STXBP6: variants seen among roughly 807,000 people sequenced by gnomAD.
The protein encoded by STXBP6 is syntaxin binding protein 6, also known as syntaxin-binding protein 6.
A neutral mutation model predicts 26.9 loss-of-function variants in STXBP6; 21 were observed. The ratio of observed to expected loss-of-function variants is 0.78; its 90% CI spans 0.55 to 1.12. STXBP6 has a LOEUF of 1.12. STXBP6 is among the 50% of genes most tolerant of loss of function. The probability of loss-of-function intolerance (pLI) is 0.00; values close to 1 mark genes in which losing one functional copy is unlikely to be tolerated. For missense variants in STXBP6, 232 were observed against 257.9 expected (o/e 0.90, Z 0.69); for synonymous variants, 97 against 92.6 (o/e 1.05, Z -0.27).
chr14:24,943,232 C>G (rs1048861207), intron 2 of STXBP6, among the ~76,000 whole-genome samples: 10 of 152,304 alleles, frequency 6.6e-5, no homozygotes, highest in African/African-American at 1.9e-4. Flanking sequence ...TCTGGCAGGA[C>G]TCACTGAAAG....
intron 2 of STXBP6, among the ~76,000 whole-genome samples, chr14:24,973,262 C>T (rs923082622): frequency 4.6e-5 from 7 of 151,902 alleles, no homozygotes; most frequent in Admixed American, 2.0e-4. Flanking sequence ...TAAAGAAATA[C>T]AAATATCTTC....
chr14:24,958,812 TAG>T (rs1272656827), intron 2 of STXBP6, among the ~76,000 whole-genome samples: 3 of 152,298 alleles, frequency 2.0e-5, no homozygotes, highest in South Asian at 2.1e-4. Flanking sequence ...GTCCATTTAA[TAG>T]AGTGTCCTCT....
rs1042330611 is a variant in STXBP6 at position 24,812,512 on chromosome 14, T to A, written c.*197A>T. 1.7e-6 allele frequency: 1 copy of A among 598,902 alleles called. No homozygotes were observed. The highest frequency in any genetic ancestry group is 2.9e-6 in the Non-Finnish European group (1 of 339,928). The allele number at this position is 598,902 out of a possible 1,614,324, so 37.1% of individuals were successfully genotyped here. ...GAAGCTGATGCTATTGTAGCATTTA[T>A]TAGCAAGATCATTAGGGAAATGTAA... is the stretch of plus-strand genomic sequence containing the variant. On this transcript the variant is annotated 3_prime_UTR_variant, in exon 6 of 6. Transcript: ENST00000323944.
chr14:24,835,201 C>T lies in STXBP6; in HGVS notation c.452-16007G>A, dbSNP rs545800139. Among the ~76,000 whole-genome samples the T allele has an allele frequency of 2.6e-5, 4 of 152,218 alleles. No homozygotes were observed. The South Asian group carries it at 8.3e-4, about 32-fold the overall frequency. ...TCAAGATGGTGAAATGACAAAGATGCAAGCAAACTGGATCCCTGAATCACC... is the reference window on the plus strand; with the variant it reads ...TCAAGATGGTGAAATGACAAAGATGTAAGCAAACTGGATCCCTGAATCACC... On this transcript the variant is annotated intron_variant, in intron 4 of 5. Transcript: ENST00000323944.
intron 2 of STXBP6, among the ~76,000 whole-genome samples, chr14:24,946,902 AGAGGGAGAAGACC>A (rs759011624): frequency 2.0e-4 from 30 of 152,158 alleles, no homozygotes; most frequent in Non-Finnish European, 4.4e-4. Context: ...GCCTTTGTAA[AGAGGGAGAAGACC>A]GAGATGACTG....
intron 2 of STXBP6, among the ~76,000 whole-genome samples, chr14:24,945,810 T>G (rs1308607202): frequency 6.6e-6 from 1 of 152,198 alleles, no homozygotes; most frequent in Non-Finnish European, 1.5e-5. Flanking sequence ...ACTAACTCAT[T>G]GAATCCTCTA....
At chr14:24,896,192 G>A (rs1301502890) in intron 2 of STXBP6, among the ~76,000 whole-genome samples, 1 of 152,168 alleles carries the variant, frequency 6.6e-6, no homozygotes, top group Non-Finnish European at 1.5e-5. Context: ...GTCCCAGGAT[G>A]TGTGTTCACC....
chr14:24,838,724 A>G (rs1307403404), intron 4 of STXBP6, among the ~76,000 whole-genome samples: 2 of 152,024 alleles, frequency 1.3e-5, no homozygotes. Flanking sequence ...CAGTAACTTA[A>G]GGGCCCTTTC....
intron 4 of STXBP6, among the ~76,000 whole-genome samples, chr14:24,827,234 T>G (rs961491439): frequency 1.3e-5 from 2 of 152,024 alleles, no homozygotes; most frequent in African/African-American, 2.4e-5. Flanking sequence ...CAAAAAAAAG[T>G]ACTTATTTTT....
chr14:24,994,479 C>T (rs1168362244), intron 1 of STXBP6, among the ~76,000 whole-genome samples: 1 of 152,202 alleles, frequency 6.6e-6, no homozygotes, highest in Admixed American at 6.5e-5. Context: ...CTTCACAAAG[C>T]TATTTCCCCA....
chr14:25,022,325 T>A (rs2075275939), intron 1 of STXBP6, among the ~76,000 whole-genome samples: 1 of 152,124 alleles, frequency 6.6e-6, no homozygotes, highest in Admixed American at 6.5e-5. Context: ...TCCTGCCAAG[T>A]TTAAGCAGAA....
At position 24,964,176 on chromosome 14, in the gene STXBP6, G is replaced by A. The variant is rs1453803271; in HGVS notation, c.154+10489C>T. 5.3e-5 allele frequency among the ~76,000 whole-genome samples: 8 copies of A among 152,024 alleles called. No homozygotes were observed. The East Asian group carries it at 1.5e-3, about 29-fold the overall frequency. ...AAGGATGCTGTGATCAAAGCACTGG[G>A]AACAGAAAGGAGGTACCTACAACAG... On this transcript the variant is annotated intron_variant, in intron 2 of 5. Transcript: ENST00000323944.
intron 1 of STXBP6, among the ~76,000 whole-genome samples, chr14:25,015,598 A>G (rs1056060557): frequency 7.2e-5 from 11 of 152,198 alleles, no homozygotes; most frequent in Non-Finnish European, 1.3e-4. Context: ...TCCCGGAGCA[A>G]GTTTCAATTA....
chr14:24,944,296 G>A (rs1352266546), intron 2 of STXBP6, among the ~76,000 whole-genome samples: 1 of 152,162 alleles, frequency 6.6e-6, no homozygotes, highest in Non-Finnish European at 1.5e-5. Flanking sequence ...AGCAAGCTGG[G>A]CAGACTCCAA....
chr14:25,042,357 C>T (rs1330592824), intron 1 of STXBP6, among the ~76,000 whole-genome samples: 2 of 152,210 alleles, frequency 1.3e-5, no homozygotes, highest in Non-Finnish European at 2.9e-5. Flanking sequence ...ACAGAGGAAG[C>T]AGAGGCTGGT....
chr14:24,880,526 G>A (rs2070320166), intron 2 of STXBP6, among the ~76,000 whole-genome samples: 1 of 152,220 alleles, frequency 6.6e-6, no homozygotes, highest in South Asian at 2.1e-4. Flanking sequence ...TCAGTAAAAG[G>A]ACCACGTCTC....
intron 2 of STXBP6, among the ~76,000 whole-genome samples, chr14:24,910,281 T>C (rs1018855404): frequency 2.6e-5 from 4 of 152,242 alleles, no homozygotes; most frequent in Admixed American, 6.5e-5. Flanking sequence ...CTTTTTCATC[T>C]ATGTTGTTTT....
chr14:25,018,818 T>C (rs951147056), intron 1 of STXBP6, among the ~76,000 whole-genome samples: 1 of 152,208 alleles, frequency 6.6e-6, no homozygotes, highest in African/African-American at 2.4e-5. Context: ...ATGTAGGATC[T>C]TTCTGATCAA....
chr14:24,897,728 G>A (rs1474996294), intron 2 of STXBP6, among the ~76,000 whole-genome samples: 1 of 152,160 alleles, frequency 6.6e-6, no homozygotes, highest in African/African-American at 2.4e-5. Flanking sequence ...GTAGGCTCTT[G>A]ATGTTTTAAA....
Sources: allele counts gnomAD v4.1 joint callset (sites outside exome capture counted in the v4.1 genomes callset), GRCh38; gene constraint gnomAD v4.1.1; transcripts MANE v1.5; gene names NCBI Gene and HGNC (gene_info 2026-07-23, HGNC 2026-07-21).